NBAS: variants seen among roughly 807,000 people sequenced by gnomAD.
NBAS encodes the protein NBAS subunit of NRZ tethering complex.
Under a neutral mutation model 302.5 loss-of-function variants are expected in NBAS, and 219 were observed. The ratio of observed to expected loss-of-function variants is 0.72; its 90% CI spans 0.65 to 0.81. The LOEUF is 0.81. NBAS is among the 30% of genes least tolerant of loss of function. The probability of loss-of-function intolerance (pLI) is 0.00; values close to 1 mark genes in which losing one functional copy is unlikely to be tolerated. For synonymous variants in NBAS, 1,118 were observed against 1,021.6 expected (o/e 1.09, Z -1.80); for missense variants, 2,932 against 2,841.6 (o/e 1.03, Z -0.72).
chr2:15,168,011 G>A (rs1369509767), intron 51 of NBAS, among the ~76,000 whole-genome samples: 2 of 152,110 alleles, frequency 1.3e-5, no homozygotes, highest in East Asian at 1.9e-4. Context: ...TTAAAAAACG[G>A]TTTCATAGGT....
chr2:14,866,049 A>G, the NBAS span, among the ~76,000 whole-genome samples: 3 of 152,116 alleles, frequency 2.0e-5, no homozygotes, highest in African/African-American at 4.8e-5. Flanking sequence ...GGGCCACTAC[A>G]TGAGAGGTGG....
At chr2:15,026,462 CAAAAAAAAAA>C in the NBAS span, among the ~76,000 whole-genome samples, 2 of 4,532 alleles carry the variant, frequency 4.4e-4, 1 homozygote, top group Admixed American at 0.014. Context: ...GACTCCGTCT[CAAAAAAAAAA>C]AAAAAAAAAA....
chr2:15,123,680 T>C, the NBAS span, among the ~76,000 whole-genome samples: 1 of 152,122 alleles, frequency 6.6e-6, no homozygotes, highest in African/African-American at 2.4e-5. Context: ...CCCTGTGACA[T>C]GCTGGCTCCC....
intron 21 of NBAS, among the ~76,000 whole-genome samples, chr2:15,431,066 C>G (rs1324525271): frequency 6.6e-6 from 1 of 152,048 alleles, no homozygotes; most frequent in African/African-American, 2.4e-5. Flanking sequence ...CTCGGCCTCC[C>G]AAAGTGCTGG....
At chr2:15,251,491 G>A (rs754247102) in intron 44 of NBAS, among the ~76,000 whole-genome samples, 4 of 152,154 alleles carry the variant, frequency 2.6e-5, no homozygotes, top group Non-Finnish European at 5.9e-5. Context: ...AGTCCATAGA[G>A]TGGAAGCAAA....
chr2:15,543,260 C>G (rs986032454), intron 6 of NBAS, among the ~76,000 whole-genome samples: 9 of 152,080 alleles, frequency 5.9e-5, no homozygotes, highest in Admixed American at 5.9e-4. Flanking sequence ...TTTGTGGATG[C>G]TATTTTCTCT....
intron 5 of NBAS, 72 bp downstream of exon 5, chr2:15,553,354 C>A: frequency 3.0e-6 from 4 of 1,355,204 alleles, no homozygotes; most frequent in South Asian, 1.2e-5. Context: ...CTATAAAAAT[C>A]TTAGTTTCCA....
chr2:14,842,861 A>AAAAAAAAAAAAAAAAAAAAAAAAC, the NBAS span, among the ~76,000 whole-genome samples: 1 of 145,950 alleles, frequency 6.9e-6, no homozygotes. Context: ...AAAAAAAAAA[A>AAAAAAAAAAAAAAAAAAAAAAAAC]AAACATATAC....
chr2:15,424,511 T>A, intron 22 of NBAS, 43 bp from the exon 23 acceptor site: 1 of 1,604,966 alleles, frequency 6.2e-7, no homozygotes, highest in Non-Finnish European at 8.5e-7. Context: ...ACTAGAATGT[T>A]GGAAAAACAT....
intron 25 of NBAS, among the ~76,000 whole-genome samples, chr2:15,404,382 A>C (rs1364452300): frequency 2.6e-5 from 4 of 152,166 alleles, no homozygotes; most frequent in East Asian, 3.9e-4. Context: ...AAAACACTGA[A>C]ACCAATTTCA....
the NBAS span, among the ~76,000 whole-genome samples, chr2:14,982,230 A>G: frequency 6.6e-6 from 1 of 152,148 alleles, no homozygotes; most frequent in Non-Finnish European, 1.5e-5. Context: ...CGGCTGTGTG[A>G]GGGAGCCGCC....
the NBAS span, among the ~76,000 whole-genome samples, chr2:15,073,788 G>A: frequency 6.6e-6 from 1 of 152,112 alleles, no homozygotes; most frequent in Non-Finnish European, 1.5e-5. Context: ...ATTTGATGCA[G>A]ATAACACCAA....
chr2:15,121,906 A>G, the NBAS span, among the ~76,000 whole-genome samples: 2 of 152,180 alleles, frequency 1.3e-5, no homozygotes, highest in Non-Finnish European at 2.9e-5. Context: ...TGTTTTACTT[A>G]TCGTATGTAC....
At chr2:15,023,725 T>C in the NBAS span, among the ~76,000 whole-genome samples, 1 of 151,418 alleles carries the variant, frequency 6.6e-6, no homozygotes, top group African/African-American at 2.4e-5. Flanking sequence ...TGCTTTTCTC[T>C]AAGTTGAAAA....
intron 35 of NBAS, among the ~76,000 whole-genome samples, chr2:15,339,152 T>C (rs1672735126): frequency 6.6e-6 from 1 of 152,182 alleles, no homozygotes; most frequent in African/African-American, 2.4e-5. Flanking sequence ...GTATAAGGTA[T>C]ATTTTTTTTT....
the NBAS span, among the ~76,000 whole-genome samples, chr2:15,050,297 C>T: frequency 4.0e-5 from 6 of 148,980 alleles, no homozygotes; most frequent in East Asian, 9.8e-4. Flanking sequence ...TTTTTCTTTC[C>T]TTCTTTCTTC....
chr2:15,354,974 C>T (rs922660042), intron 33 of NBAS, among the ~76,000 whole-genome samples: 1 of 152,202 alleles, frequency 6.6e-6, no homozygotes, highest in Non-Finnish European at 1.5e-5. Context: ...ACTGACCCTT[C>T]AGTTAGCCTG....
the NBAS span, among the ~76,000 whole-genome samples, chr2:15,049,693 G>C: frequency 6.6e-6 from 1 of 152,184 alleles, no homozygotes; most frequent in African/African-American, 2.4e-5. Flanking sequence ...ATAGATCCTC[G>C]TGCTCCTTCG....
the NBAS span, among the ~76,000 whole-genome samples, chr2:15,048,862 C>A: frequency 6.6e-6 from 1 of 152,348 alleles, no homozygotes; most frequent in African/African-American, 2.4e-5. Context: ...AACAAGCTCG[C>A]TGTCTAGGCC....
Sources: gnomAD v4.1 joint callset for allele counts (sites outside exome capture counted in the v4.1 genomes callset) on GRCh38, gnomAD v4.1.1 for gene constraint, MANE v1.5 for transcripts, NCBI Gene and HGNC (gene_info 2026-07-23, HGNC 2026-07-21) for gene names.